IRS1: variants seen among roughly 807,000 people sequenced by gnomAD.
The protein encoded by IRS1 is insulin receptor substrate 1.
A neutral mutation model predicts 65.6 loss-of-function variants in IRS1; 34 were observed. The observed-to-expected ratio is 0.52, with a 90% confidence interval of 0.39 to 0.69. IRS1 has a LOEUF of 0.69. Among genes scored for constraint, IRS1 ranks in the 30% least tolerant of loss-of-function variants. The pLI is 0.00. For synonymous variants in IRS1, 699 were observed against 683.5 expected, an observed-to-expected ratio of 1.02 and a Z score of -0.35; for missense variants, 1,641 against 1,720.2, an observed-to-expected ratio of 0.95 and a Z score of 0.81.
intron 1 of IRS1, among the ~76,000 whole-genome samples, chr2:226,775,795 C>T (rs759690658): frequency 2.8e-4 from 42 of 152,170 alleles, no homozygotes; most frequent in Middle Eastern, 3.4e-3. Context: ...GCACATCCTC[C>T]GGTATACTGT....
At chr2:226,765,667 C>T (rs1434596876) in intron 1 of IRS1, among the ~76,000 whole-genome samples, 1 of 152,166 alleles carries the variant, frequency 6.6e-6, no homozygotes, top group Non-Finnish European at 1.5e-5. Flanking sequence ...AACGAGAAAA[C>T]TCCAGTTCCT....
chr2:226,790,888 C>T (rs188728344), intron 1 of IRS1, among the ~76,000 whole-genome samples: 38 of 152,174 alleles, frequency 2.5e-4, no homozygotes, highest in Admixed American at 8.5e-4. Flanking sequence ...ATCGATGTGC[C>T]CAGCCTAAAT....
At chr2:226,789,371 T>C (rs374807115) in intron 1 of IRS1, among the ~76,000 whole-genome samples, 1 of 152,214 alleles carries the variant, frequency 6.6e-6, no homozygotes, top group Admixed American at 6.5e-5. Context: ...GGAAAAGCAG[T>C]GTTGGCTCAA....
chr2:226,797,623 G>A lies in IRS1; in HGVS notation c.1116C>T (p.Ser372=). Residue 372 remains serine, a synonymous_variant, in exon 1 of 2, where the codon AGC becomes AGT. Coordinates refer to ENST00000305123, the MANE Select transcript of IRS1 (RefSeq NM_005544.3). The surrounding 1 kb of genome is among the most constrained non-coding windows in gnomAD (Gnocchi z 8.1). ...GGGAAGCCGGCATGGGGATGGAGCG[G>A]CTGTGGTTGAGCGGGGGGTGCAGCC... is the stretch of plus-strand genomic sequence containing the variant. ...SARLHPPLNH[S]RSIPMPASRC... The A allele has an allele frequency of 6.3e-7, 1 of 1,589,614 alleles. No homozygotes were observed. The highest frequency in any genetic ancestry group is 8.5e-7 in the Non-Finnish European group (1 of 1,173,126).
intron 1 of IRS1, among the ~76,000 whole-genome samples, chr2:226,758,713 G>C (rs1938852256): frequency 6.6e-6 from 1 of 151,808 alleles, no homozygotes; most frequent in South Asian, 2.1e-4. Context: ...ATGTGGAAAT[G>C]AAACATAAAA....
In IRS1 at chr2:226,797,635, C is replaced by T. The variant is rs1559159805; in HGVS notation, c.1104G>A (p.Pro368=). Residue 368 remains proline, a synonymous_variant, in exon 1 of 2, where the codon CCG becomes CCA. Coordinates refer to ENST00000305123, the MANE Select transcript of IRS1 (RefSeq NM_005544.3). This position sits in a 1 kb window ranked among gnomAD's most constrained non-coding sequence, Gnocchi z 8.1. The part of the protein sequence containing the change: ...RHRGSARLHP[P]LNHSRSIPMP... ...TGGGGATGGAGCGGCTGTGGTTGAG[C>T]GGGGGGTGCAGCCGGGCGCTGCCCC... 1 of 1,588,992 alleles carries T rather than the reference C, an allele frequency of 6.3e-7. No individual in the cohort carries two copies. Among genetic ancestry groups the T allele is most frequent in the Non-Finnish European group, 8.5e-7 (1 of 1,173,450 alleles).
chr2:226,741,786 AACACACACACACAC>A (rs145806509), intron 1 of IRS1, among the ~76,000 whole-genome samples: 1 of 138,460 alleles, frequency 7.2e-6, no homozygotes, highest in Admixed American at 7.3e-5. Context: ...GAGCCCAGTA[AACACACACACACAC>A]ACACACACAC....
intron 1 of IRS1, among the ~76,000 whole-genome samples, chr2:226,768,421 C>T (rs1939098054): frequency 6.6e-6 from 1 of 152,092 alleles, no homozygotes; most frequent in Non-Finnish European, 1.5e-5. Flanking sequence ...TGGACATATA[C>T]TTGTTGCATT....
At chr2:226,786,874 G>C (rs1294586233) in intron 1 of IRS1, among the ~76,000 whole-genome samples, 1 of 150,064 alleles carries the variant, frequency 6.7e-6, no homozygotes, top group East Asian at 1.9e-4. Flanking sequence ...CATCAAAACA[G>C]AGGGAGAAAA....
chr2:226,779,800 G>A (rs1939345853), intron 1 of IRS1, among the ~76,000 whole-genome samples: 1 of 152,106 alleles, frequency 6.6e-6, no homozygotes, highest in Admixed American at 6.5e-5. Flanking sequence ...CCATTACTTT[G>A]GTCATTACAC....
chr2:226,797,491 C>G lies in IRS1; in HGVS notation c.1248G>C (p.Val416=). 1 of 1,613,586 alleles carries G rather than the reference C, an allele frequency of 6.2e-7. No homozygotes were observed. Among genetic ancestry groups the G allele is most frequent in the Non-Finnish European group, 8.5e-7 (1 of 1,179,976 alleles). The change falls in exon 1 of 2, where the codon GTG becomes GTC. Residue 416 remains valine (V), a synonymous_variant. Coordinates refer to ENST00000305123, the MANE Select transcript of IRS1 (RefSeq NM_005544.3). The surrounding 1 kb of genome is among the most constrained non-coding windows in gnomAD (Gnocchi z 8.1). Reference sequence around the variant, plus strand: ...AACCGCCATCGCTGGGGGAACCAGACACCGAAGCACTAGATCGCCGTGGGA... The same window carrying G: ...AACCGCCATCGCTGGGGGAACCAGAGACCGAAGCACTAGATCGCCGTGGGA... ...CLFPRRSSAS[V]SGSPSDGGFI...
At chr2:226,759,706 C>T (rs1938876685) in intron 1 of IRS1, among the ~76,000 whole-genome samples, 1 of 152,254 alleles carries the variant, frequency 6.6e-6, no homozygotes, top group Admixed American at 6.5e-5. Context: ...CAAATAAACA[C>T]CCTTTTTTGA....
rs751992955 is a variant in IRS1, at chr2:226,735,253, T to C, written c.*1019A>G. The C allele has an allele frequency of 1.3e-5, 2 of 152,186 alleles. No individual in the cohort carries two copies. The highest frequency in any genetic ancestry group is 2.4e-5 in the African/African-American group (1 of 41,448). 9.4% of individuals were successfully genotyped at this position (152,186 alleles called of 1,614,324 possible). A position where few individuals can be genotyped will look rare whatever the true frequency, so the allele number is the denominator to read the frequency against. ...TCAACAGTATCTAGTTTATTATGAA[T>C]AGAAAGACATTTCCAGAATTTACAA... On this transcript the variant is annotated 3_prime_UTR_variant, in exon 2 of 2. Coordinates refer to ENST00000305123, the MANE Select transcript of IRS1 (RefSeq NM_005544.3).
chr2:226,766,121 TTATATATATA>T (rs1171119286), intron 1 of IRS1, among the ~76,000 whole-genome samples: 20 of 14,224 alleles, frequency 1.4e-3, no homozygotes, highest in Admixed American at 6.2e-3. Context: ...TCTCTTAATC[TTATATATATA>T]TATATATATA....
chr2:226,781,137 C>T (rs1939373291), intron 1 of IRS1, among the ~76,000 whole-genome samples: 1 of 152,116 alleles, frequency 6.6e-6, no homozygotes, highest in Admixed American at 6.5e-5. Flanking sequence ...AAAGGAGAGG[C>T]AGGGTGGTTG....
At position 226,795,100 on chromosome 2, in the gene IRS1, G is replaced by T. The variant is rs200306802; in HGVS notation, c.3639C>A (p.Ser1213Arg). The change falls in exon 1 of 2, where the codon AGC becomes AGA. Residue 1213 changes from serine (S) to arginine (R), a missense_variant. Physicochemically the swap from Ser to Arg is moderately radical, Grantham distance 110. Transcript: ENST00000305123. ...PPPPPHQPLG[S>R]GESSSTRRSS... The stretch of plus-strand genomic sequence containing the variant: ...AGCGGCGGGTGGAGCTGCTCTCACC[G>T]CTGCCCAGGGGTTGATGAGGGGGTG... 438 of 1,604,244 alleles carry T rather than the reference G, an allele frequency of 2.7e-4. 7 individuals are homozygous for T. Among genetic ancestry groups the T allele is most frequent in the Non-Finnish European group, 5.9e-5 (69 of 1,177,198 alleles).
chr2:226,748,879 G>A (rs1938613517), intron 1 of IRS1, among the ~76,000 whole-genome samples: 1 of 152,134 alleles, frequency 6.6e-6, no homozygotes, highest in Non-Finnish European at 1.5e-5. Flanking sequence ...AGAACAAGTT[G>A]ATTTCCAGGT....
intron 1 of IRS1, among the ~76,000 whole-genome samples, chr2:226,780,598 G>A (rs984069004): frequency 6.6e-6 from 1 of 152,078 alleles, no homozygotes; most frequent in African/African-American, 2.4e-5. Flanking sequence ...ACTGTTGGAA[G>A]CACAAAAATA....
intron 1 of IRS1, among the ~76,000 whole-genome samples, chr2:226,738,811 A>C (rs1212477691): frequency 6.6e-6 from 1 of 152,194 alleles, no homozygotes; most frequent in Non-Finnish European, 1.5e-5. Flanking sequence ...GGAAGGCCAC[A>C]CTTTATTAAA....
Sources: gnomAD v4.1 joint callset for allele counts (sites outside exome capture counted in the v4.1 genomes callset) on GRCh38, gnomAD v4.1.1 for gene constraint, Gnocchi (gnomAD v3.1) non-coding constraint, MANE v1.5 for transcripts, NCBI Gene and HGNC (gene_info 2026-07-23, HGNC 2026-07-21) for gene names.